The following A2M variants were observed in gnomAD, a reference collection of about 807,000 sequenced individuals.
A2M encodes the protein alpha-2-macroglobulin.
In A2M, 128 loss-of-function variants were observed where a neutral mutation model predicts 183.9. The ratio of observed to expected loss-of-function variants is 0.70; its 90% CI spans 0.60 to 0.81. The LOEUF is 0.81. A2M is among the 30% of genes least tolerant of loss of function. The pLI is 0.00. For synonymous variants in A2M, 592 were observed against 670.8 expected (o/e 0.88, Z 1.81); for missense variants, 1,495 against 1,787.6 (o/e 0.84, Z 2.95).
chr12:9,101,016 T>C, intron 13 of A2M, 128 bp downstream of exon 13: 1 of 801,876 alleles, frequency 1.2e-6, no homozygotes, highest in Non-Finnish European at 2.0e-6. Context: ...TATTCATTCA[T>C]GTGACCAAAC....
chr12:9,084,312 G>T (rs138799072), intron 22 of A2M, among the ~76,000 whole-genome samples: 113 of 152,140 alleles, frequency 7.4e-4, no homozygotes, highest in African/African-American at 2.7e-3. Context: ...TGTAATGATG[G>T]TATTTAAAGC....
intron 17 of A2M, among the ~76,000 whole-genome samples, chr12:9,094,340 C>CATATAT (rs59647548): frequency 0.025 from 2,380 of 96,900 alleles, 50 homozygotes; most frequent in East Asian, 0.065. Flanking sequence ...AAAAATTGTG[C>CATATAT]ATATATATAT....
chr12:9,074,899 C>T, intron 28 of A2M, 116 bp from the exon 29 acceptor site: 6 of 1,091,140 alleles, frequency 5.5e-6, no homozygotes, highest in Admixed American at 2.5e-5. Context: ...ATCCCCTGTA[C>T]TGTATGTAGA....
intron 7 of A2M, among the ~76,000 whole-genome samples, chr12:9,108,135 T>G (rs1329817685): frequency 1.8e-5 from 2 of 109,774 alleles, no homozygotes; most frequent in East Asian, 4.1e-4. Context: ...TTTATTTTAT[T>G]TTATTTTTGA....
chr12:9,101,164 A>G lies in A2M; in HGVS notation c.1538T>C (p.Leu513Pro), dbSNP rs748022153. 10 of 1,561,014 alleles carry G rather than the reference A, an allele frequency of 6.4e-6. No homozygotes were observed. Among genetic ancestry groups the G allele is most frequent in the Non-Finnish European group, 8.7e-6 (10 of 1,151,770 alleles). Residue 513 changes from leucine to proline, a missense_variant, in exon 13 of 36, where the codon CTG becomes CCG. Physicochemically the swap from Leu to Pro is moderately conservative, Grantham distance 98 (BLOSUM62 -3). Transcript: ENST00000318602. ...CTCACTGTCTTCCTGCTTCACAAGC[A>G]GTCCATGAGTCCCAGTTCGGACAAT... is the stretch of plus-strand genomic sequence containing the variant. ...GGIVRTGTHGLLVKQEDMKGH... is the reference protein window; with the variant it reads ...GGIVRTGTHGPLVKQEDMKGH...
At chr12:9,074,484 G>A (rs1164141030) in intron 29 of A2M, 76 bp downstream of exon 29, 53 of 1,354,904 alleles carry the variant, frequency 3.9e-5, no homozygotes, top group Non-Finnish European at 4.8e-5. Flanking sequence ...TTTTCTTCTT[G>A]GATGTGTTTG....
chr12:9,108,514 T>C (rs753269960), intron 7 of A2M, among the ~76,000 whole-genome samples: 12 of 152,218 alleles, frequency 7.9e-5, no homozygotes, highest in Admixed American at 5.2e-4. Context: ...CCTTTCCTAT[T>C]TGAGAATGTC....
intron 31 of A2M, 59 bp from the exon 32 acceptor site, chr12:9,070,637 T>C: frequency 8.3e-7 from 1 of 1,200,364 alleles, no homozygotes; most frequent in South Asian, 1.3e-5. Context: ...ATTTTCTTCT[T>C]CTATGTCCAT....
At position 9,099,388 on chromosome 12, in the gene A2M, G is replaced by A. The variant is rs199960398; in HGVS notation, c.1694C>T (p.Ala565Val). 3 of 1,556,044 alleles carry A rather than the reference G, an allele frequency of 1.9e-6. No individual in the cohort carries two copies. Among genetic ancestry groups the A allele is most frequent in the Middle Eastern group, 1.7e-4 (1 of 5,996 alleles). Residue 565 changes from alanine (A) to valine (V), a missense_variant, in exon 14 of 36, where the codon GCC becomes GTC. Ala to Val is a moderately conservative substitution (Grantham distance 64, BLOSUM62 0). Transcript: ENST00000318602. ...ATGATCTAAAACACACACCTTGTTG[G>A]CCAGACAATTTTCAACATCATATTT... ...SAKYDVENCL[A>V]NKVDLSFSPS...
chr12:9,076,198 T>A (rs927703441), intron 28 of A2M, among the ~76,000 whole-genome samples: 1 of 152,234 alleles, frequency 6.6e-6, no homozygotes, highest in African/African-American at 2.4e-5. Context: ...CAGGTAAGGG[T>A]TGGGCATATA....
Position 9,076,751 on chromosome 12 carries a change from C to A in A2M, c.3532+5G>T, listed in dbSNP as rs755426499. On this transcript the variant is annotated splice_donor_5th_base_variant and intron_variant, in intron 28 of 35. Coordinates refer to ENST00000318602, the MANE Select transcript of A2M (RefSeq NM_000014.6). Reference sequence around the variant, plus strand: ...CCAGGAGAAGGATCTCAGGTGTGCTCTCACCTTTCTTCACAGCTTCCTCAT... The same window carrying A: ...CCAGGAGAAGGATCTCAGGTGTGCTATCACCTTTCTTCACAGCTTCCTCAT... 1 of 1,613,718 alleles carries A rather than the reference C, an allele frequency of 6.2e-7. No individual in the cohort carries two copies. Among genetic ancestry groups the A allele is most frequent in the Non-Finnish European group, 8.5e-7 (1 of 1,179,846 alleles).
intron 22 of A2M, among the ~76,000 whole-genome samples, chr12:9,088,546 C>T (rs758159970): frequency 2.0e-5 from 3 of 152,008 alleles, no homozygotes; most frequent in South Asian, 4.2e-4. Flanking sequence ...GTATTTAGTA[C>T]GAAAAACATA....
chr12:9,074,679 G>A lies in A2M; in HGVS notation c.3637C>T (p.Leu1213Phe). ...GGCTGGGCCGTGAGATAAGCGAGGA[G>A]CACATAGGATGTCATCTCCACCTCA... is the stretch of plus-strand genomic sequence containing the variant. ...SAEVEMTSYV[L>F]LAYLTAQPAP... Residue 1213 changes from leucine (L) to phenylalanine (F), a missense_variant, in exon 29 of 36, where the codon CTC (leucine) becomes TTC (phenylalanine). Leu to Phe is a conservative substitution (Grantham distance 22). Coordinates refer to ENST00000318602, the MANE Select transcript of A2M (RefSeq NM_000014.6). 1 of 1,614,004 alleles carries A rather than the reference G, an allele frequency of 6.2e-7. No individual in the cohort carries two copies. Among genetic ancestry groups the A allele is most frequent in the South Asian group, 1.1e-5 (1 of 91,004 alleles).
chr12:9,068,021 G>T, intron 35 of A2M, 162 bp downstream of exon 35: 1 of 981,708 alleles, frequency 1.0e-6, no homozygotes, highest in East Asian at 2.6e-5. Flanking sequence ...GTTTGACAGA[G>T]TCAGCGGCCC....
intron 33 of A2M, chr12:9,069,086 T>C (rs1948484317): frequency 3.0e-6 from 1 of 331,122 alleles, no homozygotes; most frequent in African/African-American, 2.1e-5. Context: ...TTCATGGGGG[T>C]AAATGATATA....
At chr12:9,072,631 C>T (rs1466611187) in intron 30 of A2M, 22 bp downstream of exon 30, 1 of 1,612,440 alleles carries the variant, frequency 6.2e-7, no homozygotes, top group Non-Finnish European at 8.5e-7. Flanking sequence ...CTGTCCTGTC[C>T]TCACCTGCCC....
chr12:9,089,881 A>G (rs778865441), intron 21 of A2M, 21 bp downstream of exon 21: 116 of 1,577,376 alleles, frequency 7.4e-5, no homozygotes, highest in Non-Finnish European at 6.4e-5. Context: ...TGTGGACTAT[A>G]TATTATTTAG....
intron 7 of A2M, 35 bp from the exon 8 acceptor site, chr12:9,107,679 G>C: frequency 6.2e-7 from 1 of 1,609,046 alleles, no homozygotes; most frequent in Non-Finnish European, 8.5e-7. Flanking sequence ...AATCAGAGCA[G>C]ACACTGAACC....
intron 22 of A2M, among the ~76,000 whole-genome samples, chr12:9,083,577 G>C (rs901049498): frequency 1.3e-4 from 20 of 151,868 alleles, no homozygotes; most frequent in Non-Finnish European, 2.5e-4. Flanking sequence ...CTCAAAGATA[G>C]AGTATTTGGA....
Sources: gnomAD v4.1 joint callset for allele counts (sites outside exome capture counted in the v4.1 genomes callset) on GRCh38, gnomAD v4.1.1 for gene constraint, MANE v1.5 for transcripts, NCBI Gene and HGNC (gene_info 2026-07-23, HGNC 2026-07-21) for gene names.